The following LAT2 variants were observed in gnomAD, a reference collection of about 807,000 sequenced individuals.
LAT2 encodes the protein linker for activation of T-cells family member 2.
In LAT2, 23 loss-of-function variants were observed where a neutral mutation model predicts 43.4. The observed-to-expected ratio is 0.53, with a 90% CI of 0.38 to 0.75. LAT2 has a LOEUF of 0.75. Among genes scored for constraint, LAT2 ranks in the 30% least tolerant of loss-of-function variants. The pLI is 0.00. For synonymous variants in LAT2, 128 were observed against 123.2 expected, an observed-to-expected ratio of 1.04 and a Z score of -0.26; for missense variants, 284 against 310.2, an observed-to-expected ratio of 0.92 and a Z score of 0.64.
In LAT2 at chr7:74,220,775, C is replaced by T. The variant is rs192609449; in HGVS notation, c.332+41C>T. 146 of 1,444,748 alleles carry T rather than the reference C, an allele frequency of 1.0e-4. No individual in the cohort carries two copies. The African/African-American group carries it at 2.1e-3, about 21-fold the overall frequency. 89.5% of individuals were successfully genotyped at this position (1,444,748 alleles called of 1,614,324 possible). On this transcript the variant is annotated intron_variant, in intron 9 of 13. Transcript: ENST00000460943. The surrounding 1 kb of genome is among the most constrained non-coding windows in gnomAD (Gnocchi z 4.5). The stretch of plus-strand genomic sequence containing the variant: ...CCTGTCCCCCCTGCCTCGCCTCTCC[C>T]CCTGCCCCACCTCTCCCCCTGCCCC...
At chr7:74,213,853 G>C (rs908630861) in intron 1 of LAT2, among the ~76,000 whole-genome samples, 1 of 151,374 alleles carries the variant, frequency 6.6e-6, no homozygotes, top group Non-Finnish European at 1.5e-5. Flanking sequence ...GTGGACACTC[G>C]GGAGTGTTGG....
intron 11 of LAT2, 37 bp from the exon 12 acceptor site, chr7:74,223,981 G>T: frequency 6.3e-7 from 1 of 1,600,000 alleles, no homozygotes; most frequent in Admixed American, 1.7e-5. Context: ...GCCTCTGTGG[G>T]ACTGAGCCAA....
At position 74,214,804 on chromosome 7, in the gene LAT2, T is replaced by G; in HGVS notation, c.-218-18T>G. 1 of 127,018 alleles carries G rather than the reference T, an allele frequency of 7.9e-6. No individual in the cohort carries two copies. The highest frequency in any genetic ancestry group is 3.0e-5 in the African/African-American group (1 of 33,322). The allele number at this position is 127,018 out of a possible 1,614,324, so 7.9% of individuals were successfully genotyped here. On this transcript the variant is annotated intron_variant, in intron 1 of 13. Transcript: ENST00000460943. ...ATATATATATATATTTTTTTTTTTT[T>G]TTGTATTTTTTTTGTAGAGATGGAA...
At position 74,220,871 on chromosome 7, in the gene LAT2, G is replaced by C. The variant is rs1802246433; in HGVS notation, c.332+137G>C. 1 of 705,252 alleles carries C rather than the reference G, an allele frequency of 1.4e-6. No homozygotes were observed. The highest frequency in any genetic ancestry group is 1.8e-5 in the African/African-American group (1 of 55,750). 43.7% of individuals were successfully genotyped at this position (705,252 alleles called of 1,614,324 possible). On this transcript the variant is annotated intron_variant, in intron 9 of 13. Coordinates refer to ENST00000460943, the MANE Select transcript of LAT2 (RefSeq NM_032464.3). This position sits in a 1 kb window ranked among gnomAD's most constrained non-coding sequence, Gnocchi z 4.5. ...GGTCCAGGAACCACCTCTTGCACTA[G>C]AACGAGGCATCCAGGTTCCCCTCCT...
chr7:74,214,286 A>G (rs1303102184), intron 1 of LAT2, among the ~76,000 whole-genome samples: 1 of 88,398 alleles, frequency 1.1e-5, no homozygotes, highest in Non-Finnish European at 1.9e-5. Context: ...ATATAAATAT[A>G]TATATGAAAA....
intron 4 of LAT2, among the ~76,000 whole-genome samples, chr7:74,218,226 C>T (rs1352171963): frequency 2.0e-5 from 3 of 152,214 alleles, no homozygotes; most frequent in South Asian, 2.1e-4. Context: ...CTGCATGAAG[C>T]GACTGCTGTG....
At chr7:74,213,082 G>C (rs769438152) in intron 1 of LAT2, among the ~76,000 whole-genome samples, 1 of 152,148 alleles carries the variant, frequency 6.6e-6, no homozygotes, top group Non-Finnish European at 1.5e-5. Context: ...GGATCCCAAG[G>C]CAGGAGGTAG....
intron 1 of LAT2, among the ~76,000 whole-genome samples, chr7:74,214,140 A>AAATATATATAAATATATATATG: frequency 1.7e-5 from 1 of 60,060 alleles, no homozygotes; most frequent in Non-Finnish European, 3.0e-5. Context: ...ATATATATGA[A>AAATATATATAAATATATATATG]AATATATATA....
chr7:74,215,892 TGGGGTAGGATTCCTGAAAAA>T (rs1554714172), intron 2 of LAT2, 35 bp from the exon 3 acceptor site: 1 of 1,197,894 alleles, frequency 8.3e-7, no homozygotes, highest in African/African-American at 1.5e-5. Flanking sequence ...AGTGGGGGTG[TGGGGTAGGATTCCTGAAAAA>T]GGGGCCCCTT....
intron 1 of LAT2, among the ~76,000 whole-genome samples, chr7:74,211,042 G>C (rs1218762124): frequency 6.6e-6 from 1 of 152,014 alleles, no homozygotes; most frequent in African/African-American, 2.4e-5. Flanking sequence ...GCCAGCTCTT[G>C]GCAATCGTTG....
At chr7:74,215,827 G>A in intron 2 of LAT2, 120 bp from the exon 3 acceptor site, 1 of 720,952 alleles carries the variant, frequency 1.4e-6, no homozygotes, top group South Asian at 1.5e-5. Flanking sequence ...GCAGGAGCGG[G>A]GAGGGGAGGT....
intron 10 of LAT2, among the ~76,000 whole-genome samples, chr7:74,222,165 C>T (rs1407231531): frequency 1.3e-5 from 2 of 148,586 alleles, no homozygotes; most frequent in African/African-American, 2.5e-5. Context: ...GTGGGTGGAT[C>T]ACCTGAGGTC....
chr7:74,224,222 G>T (rs1396291743), intron 12 of LAT2, 25 bp downstream of exon 12: 1 of 1,607,876 alleles, frequency 6.2e-7, no homozygotes, highest in East Asian at 2.2e-5. Flanking sequence ...GAAGAGGCAG[G>T]GTGGTCCACT....
rs1270617261 is a variant in LAT2 at position 74,214,718 on chromosome 7, TA to T, written c.-218-99del. 1.3e-3 allele frequency: 133 copies of T among 101,082 alleles called. 1 individual carries two copies. The highest frequency in any genetic ancestry group is 2.9e-3 in the Admixed American group (21 of 7,158). The allele number at this position is 101,082 out of a possible 1,614,324, so 6.3% of individuals were successfully genotyped here. On this transcript the variant is annotated intron_variant, in intron 1 of 13. Coordinates refer to ENST00000460943, the MANE Select transcript of LAT2 (RefSeq NM_032464.3). ...ATATATAAATATATATAAATATATA[TA>T]AAAATATAAATATATATAAAAATAT...
chr7:74,221,410 CAAAAAAAAAAAAAAA>C (rs782694803), intron 9 of LAT2, among the ~76,000 whole-genome samples: 8 of 21,086 alleles, frequency 3.8e-4, no homozygotes, highest in African/African-American at 6.5e-4. Flanking sequence ...GACTCTGTCT[CAAAAAAAAAAAAAAA>C]AAAAAAAAAA....
At chr7:74,222,230 C>CAAAAAAAA (rs113312443) in intron 10 of LAT2, among the ~76,000 whole-genome samples, 86 of 65,304 alleles carry the variant, frequency 1.3e-3, no homozygotes, top group Non-Finnish European at 1.6e-3. Flanking sequence ...TACAAAAATA[C>CAAAAAAAA]AAAAAAAAAA....
intron 5 of LAT2, 53 bp downstream of exon 5, chr7:74,219,840 A>T: frequency 6.2e-7 from 1 of 1,612,714 alleles, no homozygotes; most frequent in Non-Finnish European, 8.5e-7. Flanking sequence ...TGTCCCTATC[A>T]AGTTATCTCG....
intron 3 of LAT2, 61 bp downstream of exon 3, chr7:74,216,130 C>G (rs1802038968): frequency 7.2e-7 from 1 of 1,388,304 alleles, no homozygotes; most frequent in Non-Finnish European, 9.9e-7. Flanking sequence ...CTCAGAGGCC[C>G]TCTCAGGCCC....
intron 12 of LAT2, 148 bp downstream of exon 12, chr7:74,224,345 T>C (rs1396620736): frequency 2.1e-6 from 2 of 960,032 alleles, no homozygotes; most frequent in Non-Finnish European, 3.2e-6. Flanking sequence ...TGCAGAGACC[T>C]TGAACCACAC....
Sources: allele counts gnomAD v4.1 joint callset (sites outside exome capture counted in the v4.1 genomes callset), GRCh38; gene constraint gnomAD v4.1.1; non-coding constraint Gnocchi (gnomAD v3.1); transcripts MANE v1.5; gene names NCBI Gene and HGNC (gene_info 2026-07-23, HGNC 2026-07-21).